ENTREP2: variants seen among roughly 807,000 people sequenced by gnomAD.
ENTREP2 encodes protein ENTREP2.
the ENTREP2 span, among the ~76,000 whole-genome samples, chr15:29,444,211 A>AC: frequency 6.8e-6 from 1 of 146,062 alleles, no homozygotes; most frequent in African/African-American, 2.7e-5. Flanking sequence ...AGAAAGAAAG[A>AC]AAGAAAGAAA....
chr15:29,656,142 A>G, the ENTREP2 span, among the ~76,000 whole-genome samples: 1 of 152,132 alleles, frequency 6.6e-6, no homozygotes, highest in Non-Finnish European at 1.5e-5. Flanking sequence ...TACAAAAATA[A>G]AGAATAAAGA....
At chr15:29,256,279 C>T in the ENTREP2 span, among the ~76,000 whole-genome samples, 92,908 of 151,782 alleles carry the variant, frequency 0.61, 28,477 homozygotes, top group African/African-American at 0.64. Context: ...AACTTCAGCA[C>T]CATGCAACAC....
At chr15:29,262,645 T>C in the ENTREP2 span, among the ~76,000 whole-genome samples, 5 of 152,382 alleles carry the variant, frequency 3.3e-5, no homozygotes, top group Non-Finnish European at 7.3e-5. Flanking sequence ...TTCATCTGTG[T>C]CTTTTGCAAT....
At chr15:29,463,927 A>C in the ENTREP2 span, among the ~76,000 whole-genome samples, 1 of 152,216 alleles carries the variant, frequency 6.6e-6, no homozygotes, top group Admixed American at 6.5e-5. Flanking sequence ...AACCTTGAGG[A>C]TGTTACGCTG....
chr15:29,433,708 C>A, the ENTREP2 span, among the ~76,000 whole-genome samples: 1 of 151,948 alleles, frequency 6.6e-6, no homozygotes, highest in Non-Finnish European at 1.5e-5. Context: ...CTCCCCAGAC[C>A]CCTTCTCTGC....
chr15:29,496,386 T>TAAATA, the ENTREP2 span, among the ~76,000 whole-genome samples: 1 of 151,456 alleles, frequency 6.6e-6, no homozygotes, highest in Admixed American at 6.6e-5. Flanking sequence ...ATAAAATAAA[T>TAAATA]AAATAAAATA....
chr15:29,442,465 A>G, the ENTREP2 span, among the ~76,000 whole-genome samples: 1 of 152,196 alleles, frequency 6.6e-6, no homozygotes, highest in Non-Finnish European at 1.5e-5. Context: ...TCTTGGAGAA[A>G]TCACGTTTTA....
the ENTREP2 span, among the ~76,000 whole-genome samples, chr15:29,223,226 G>A: frequency 1.3e-5 from 2 of 152,158 alleles, no homozygotes; most frequent in East Asian, 1.9e-4. Context: ...TTAAAAAATC[G>A]CAATTCTTAG....
chr15:29,288,851 A>G, the ENTREP2 span, among the ~76,000 whole-genome samples: 1 of 152,206 alleles, frequency 6.6e-6, no homozygotes, highest in South Asian at 2.1e-4. Flanking sequence ...ATATATGTAT[A>G]TATCCGCCCA....
chr15:29,246,627 G>A, the ENTREP2 span, among the ~76,000 whole-genome samples: 1 of 152,056 alleles, frequency 6.6e-6, no homozygotes, highest in Non-Finnish European at 1.5e-5. Context: ...TTGAACCCAG[G>A]AGGTGGAGGT....
At chr15:29,252,959 C>T in the ENTREP2 span, among the ~76,000 whole-genome samples, 231 of 152,272 alleles carry the variant, frequency 1.5e-3, 1 homozygote, top group African/African-American at 5.1e-3. Context: ...CACTTACGGC[C>T]AACTGTGTTT....
At chr15:29,505,754 G>A in the ENTREP2 span, among the ~76,000 whole-genome samples, 1 of 152,214 alleles carries the variant, frequency 6.6e-6, no homozygotes, top group African/African-American at 2.4e-5. This position sits in a 1 kb window ranked among gnomAD's most constrained non-coding sequence, Gnocchi z 4.3. Flanking sequence ...CACCATCCGA[G>A]GGTCACCAAC....
chr15:29,163,574 C>T, the ENTREP2 span, among the ~76,000 whole-genome samples: 1 of 151,858 alleles, frequency 6.6e-6, no homozygotes, highest in South Asian at 2.1e-4. Flanking sequence ...ATTCAGAGCT[C>T]AAAGACAAGG....
At chr15:29,624,871 TTGTGTG>T in the ENTREP2 span, among the ~76,000 whole-genome samples, 2,301 of 143,712 alleles carry the variant, frequency 0.016, 53 homozygotes, top group African/African-American at 0.053. Flanking sequence ...CTGCATTAAT[TTGTGTG>T]TGTGTGTGTG....
chr15:29,269,800 C>A, the ENTREP2 span: 3 of 1,202,092 alleles, frequency 2.5e-6, no homozygotes, highest in Non-Finnish European at 1.1e-6. Flanking sequence ...TGCCTGGAGG[C>A]GCGCGCAGTG....
the ENTREP2 span, among the ~76,000 whole-genome samples, chr15:29,577,552 C>T: frequency 2.3e-3 from 356 of 152,158 alleles, no homozygotes; most frequent in African/African-American, 8.3e-3. Flanking sequence ...TGGGGTTTTG[C>T]CGTGTTGCCC....
At chr15:29,260,312 T>C in the ENTREP2 span, among the ~76,000 whole-genome samples, 1 of 152,172 alleles carries the variant, frequency 6.6e-6, no homozygotes, top group African/African-American at 2.4e-5. Flanking sequence ...CTTATGAATA[T>C]ACACAGAAAA....
At chr15:29,572,304 A>G in the ENTREP2 span, among the ~76,000 whole-genome samples, 8 of 152,256 alleles carry the variant, frequency 5.3e-5, no homozygotes, top group African/African-American at 1.9e-4. Flanking sequence ...TAACAGGACT[A>G]AGCCTCTGGC....
the ENTREP2 span, among the ~76,000 whole-genome samples, chr15:29,473,512 A>C: frequency 1.3e-5 from 2 of 152,234 alleles, no homozygotes; most frequent in Non-Finnish European, 2.9e-5. Context: ...CCAAGTTTTA[A>C]GTGTTATCAA....
Sources: allele counts gnomAD v4.1 joint callset (sites outside exome capture counted in the v4.1 genomes callset), GRCh38; gene constraint gnomAD v4.1.1; non-coding constraint Gnocchi (gnomAD v3.1); transcripts MANE v1.5; gene names NCBI Gene and HGNC (gene_info 2026-07-23, HGNC 2026-07-21).